Variants in ALG9 observed in about 807,000 individuals in gnomAD.
The protein encoded by ALG9 is ALG9 alpha-1,2-mannosyltransferase, also known as alpha-1,2-mannosyltransferase ALG9.
In ALG9, 55 loss-of-function variants were observed where a neutral mutation model predicts 81.8. That is an observed-to-expected ratio of 0.67 (90% CI 0.54 to 0.84). The LOEUF is 0.84. ALG9 is among the 40% of genes least tolerant of loss of function. ALG9 has a pLI of 0.00. For missense variants in ALG9, 629 were observed against 745.0 expected (o/e 0.84, Z 1.81); for synonymous variants, 278 against 274.3 (o/e 1.01, Z -0.13).
At chr11:111,866,266 C>T (rs1239507968) in intron 3 of ALG9, among the ~76,000 whole-genome samples, 2 of 152,156 alleles carry the variant, frequency 1.3e-5, no homozygotes, top group East Asian at 3.8e-4. Flanking sequence ...CACTGCACTC[C>T]AGCCTGGCGA....
At chr11:111,843,295 G>C (rs1555125678) in intron 9 of ALG9, among the ~76,000 whole-genome samples, 1 of 152,072 alleles carries the variant, frequency 6.6e-6, no homozygotes, top group Non-Finnish European at 1.5e-5. Flanking sequence ...TTCTTAAAAA[G>C]CTTAAGAAAT....
intron 8 of ALG9, among the ~76,000 whole-genome samples, chr11:111,849,149 C>G (rs1331955393): frequency 6.6e-6 from 1 of 151,940 alleles, no homozygotes; most frequent in Non-Finnish European, 1.5e-5. Flanking sequence ...CTCCCGAGTT[C>G]AAGCAATTCT....
At chr11:111,848,985 CAGTAAGT>C (rs2136990131) in intron 8 of ALG9, among the ~76,000 whole-genome samples, 1 of 152,262 alleles carries the variant, frequency 6.6e-6, no homozygotes, top group South Asian at 2.1e-4. Flanking sequence ...CCTAATTAGA[CAGTAAGT>C]ACTATGATGA....
chr11:111,785,922 A>G lies in ALG9; in HGVS notation c.*475T>C. On this transcript the variant is annotated 3_prime_UTR_variant, in exon 15 of 15. Coordinates refer to ENST00000616540, the MANE Select transcript of ALG9 (RefSeq NM_024740.2). ...GTTCATTTTCAGCATGAGGATTTCA[A>G]TAAGAAGGTCTGCTAGGAGCTGCCA... 2.5e-6 allele frequency: 1 copy of G among 401,342 alleles called. No individual in the cohort carries two copies. The highest frequency in any genetic ancestry group is 1.8e-5 in the South Asian group (1 of 54,168). 24.9% of individuals were successfully genotyped at this position (401,342 alleles called of 1,614,324 possible).
At chr11:111,792,237 T>A (rs1947549826) in intron 14 of ALG9, among the ~76,000 whole-genome samples, 1 of 152,258 alleles carries the variant, frequency 6.6e-6, no homozygotes, top group South Asian at 2.1e-4. Flanking sequence ...ACTAGTTTAT[T>A]ATCTGCCCTC....
chr11:111,795,342 GC>G (rs2136260195), intron 14 of ALG9, among the ~76,000 whole-genome samples: 1 of 152,182 alleles, frequency 6.6e-6, no homozygotes, highest in South Asian at 2.1e-4. Flanking sequence ...CAATCCTAAA[GC>G]CATTACGTGG....
rs188599846 is a variant in ALG9 at position 111,822,613 on chromosome 11, C to A, written c.1603-12840G>T. Among the ~76,000 whole-genome samples the A allele has an allele frequency of 2.6e-5, 4 of 150,998 alleles. No individual in the cohort carries two copies. The South Asian group carries it at 8.4e-4, about 32-fold the overall frequency. ...CTGTAGTCCCAGCTACTCAGGAGGGCGAGGTGGGAGAATCACCTGAGTCCA... is the reference window on the plus strand; with the variant it reads ...CTGTAGTCCCAGCTACTCAGGAGGGAGAGGTGGGAGAATCACCTGAGTCCA... On this transcript the variant is annotated intron_variant, in intron 13 of 14. Transcript: ENST00000616540.
chr11:111,828,060 T>G (rs1953686202), intron 13 of ALG9, among the ~76,000 whole-genome samples: 1 of 151,818 alleles, frequency 6.6e-6, no homozygotes, highest in Non-Finnish European at 1.5e-5. Context: ...CATGGTGGTG[T>G]GCACCTGTAA....
chr11:111,869,238 C>G (rs1018825188), intron 2 of ALG9, among the ~76,000 whole-genome samples: 1 of 152,168 alleles, frequency 6.6e-6, no homozygotes, highest in Non-Finnish European at 1.5e-5. Context: ...TTTCTCAATA[C>G]TTGTTAGCCA....
At chr11:111,798,664 A>C (rs572374878) in intron 14 of ALG9, among the ~76,000 whole-genome samples, 1 of 152,370 alleles carries the variant, frequency 6.6e-6, no homozygotes, top group African/African-American at 2.4e-5. Context: ...TGTCTGGTCT[A>C]AAAAGTGATA....
At chr11:111,799,872 G>C (rs1555078992) in intron 14 of ALG9, among the ~76,000 whole-genome samples, 1 of 152,118 alleles carries the variant, frequency 6.6e-6, no homozygotes, top group Non-Finnish European at 1.5e-5. Context: ...TCATCCAACA[G>C]GCATTTTATA....
In ALG9 at chr11:111,840,753, T is replaced by A; in HGVS notation, c.1075A>T (p.Ile359Leu). Reference sequence around the variant, plus strand: ...TTGTGAGGCTGGATGAAGAAAATTATAAACCAAATATACATTGGAGCCAAG... The same window carrying A: ...TTGTGAGGCTGGATGAAGAAAATTAAAAACCAAATATACATTGGAGCCAAG... ...LTLAPMYIWF[I>L]IFFIQPHKEE... The change falls in exon 10 of 15, where the codon ATA (isoleucine) becomes TTA (leucine). Residue 359 changes from isoleucine (I) to leucine (L), a missense_variant. Ile to Leu is a conservative substitution (Grantham distance 5, BLOSUM62 2). Coordinates refer to ENST00000616540, the MANE Select transcript of ALG9 (RefSeq NM_024740.2). 1 of 1,614,078 alleles carries A rather than the reference T, an allele frequency of 6.2e-7. No homozygotes were observed. Among genetic ancestry groups the A allele is most frequent in the Non-Finnish European group, 8.5e-7 (1 of 1,179,990 alleles).
chr11:111,847,332 C>A (rs568272117), intron 8 of ALG9, among the ~76,000 whole-genome samples: 1 of 152,322 alleles, frequency 6.6e-6, no homozygotes, highest in Admixed American at 6.5e-5. Flanking sequence ...AGGGCATTTG[C>A]GGGTATCGTC....
At chr11:111,840,601 A>G in intron 10 of ALG9, 54 bp downstream of exon 10, 1 of 1,606,320 alleles carries the variant, frequency 6.2e-7, no homozygotes, top group Non-Finnish European at 8.5e-7. Context: ...TTTGTGAGCA[A>G]TTATTTAATA....
the ALG9 span, among the ~76,000 whole-genome samples, chr11:111,773,220 G>A: frequency 6.6e-6 from 1 of 152,114 alleles, no homozygotes; most frequent in East Asian, 1.9e-4. Context: ...GTCAGGATTA[G>A]TATCTCCTTT....
the ALG9 span, chr11:111,768,554 G>T: frequency 1.3e-5 from 2 of 152,026 alleles, no homozygotes. Context: ...GAGCCTAGGG[G>T]TTCATGACCA....
chr11:111,859,435 G>A (rs1021767369), intron 5 of ALG9, among the ~76,000 whole-genome samples: 2 of 151,858 alleles, frequency 1.3e-5, no homozygotes, highest in African/African-American at 4.8e-5. Flanking sequence ...CTTGGGAGGA[G>A]GGGGTTGCAA....
At chr11:111,850,402 C>T (rs1482203226) in intron 8 of ALG9, among the ~76,000 whole-genome samples, 1 of 152,044 alleles carries the variant, frequency 6.6e-6, no homozygotes, top group Non-Finnish European at 1.5e-5. Context: ...AAGGAGTTAA[C>T]ACTCTCAAAG....
chr11:111,770,200 T>C, the ALG9 span, among the ~76,000 whole-genome samples: 1 of 152,178 alleles, frequency 6.6e-6, no homozygotes, highest in Admixed American at 6.5e-5. Flanking sequence ...CTGTTAAAAA[T>C]GCAGATTTCT....
Sources: allele counts gnomAD v4.1 joint callset (sites outside exome capture counted in the v4.1 genomes callset), GRCh38; gene constraint gnomAD v4.1.1; transcripts MANE v1.5; gene names NCBI Gene and HGNC (gene_info 2026-07-23, HGNC 2026-07-21).